ARHGEF3: variants seen among roughly 807,000 people sequenced by gnomAD.
ARHGEF3 encodes the protein Rho guanine nucleotide exchange factor 3.
ARHGEF3 carries 28 observed loss-of-function variants against 63.2 expected under a neutral mutation model. That is an observed-to-expected ratio of 0.44 (90% confidence interval 0.33 to 0.61). The LOEUF is 0.61. Among genes scored for constraint, ARHGEF3 ranks in the 20% least tolerant of loss-of-function variants. The pLI, the probability that ARHGEF3 is intolerant of heterozygous loss-of-function variation, is 0.03. For synonymous variants in ARHGEF3, 266 were observed against 254.2 expected (o/e 1.05, Z -0.44); for missense variants, 533 against 659.3 (o/e 0.81, Z 2.10).
chr3:57,059,221 T>C (rs1705088287), intron 1 of ARHGEF3, among the ~76,000 whole-genome samples: 1 of 152,110 alleles, frequency 6.6e-6, no homozygotes, highest in Non-Finnish European at 1.5e-5. Context: ...TCATTACTTG[T>C]ATTTTCTAAA....
At chr3:56,763,871 GGC>G (rs1428068832) in intron 2 of ARHGEF3, among the ~76,000 whole-genome samples, 1 of 151,918 alleles carries the variant, frequency 6.6e-6, no homozygotes, top group Non-Finnish European at 1.5e-5. Flanking sequence ...CACTGCACCT[GGC>G]TGATTTTTAT....
chr3:56,983,126 T>C (rs1019298637), intron 2 of ARHGEF3, among the ~76,000 whole-genome samples: 4 of 152,186 alleles, frequency 2.6e-5, no homozygotes, highest in Admixed American at 2.6e-4. Context: ...TGCTGGTATA[T>C]TTTATATGAC....
intron 1 of ARHGEF3, chr3:57,035,234 C>T (rs1703904035): frequency 3.0e-6 from 3 of 985,882 alleles, no homozygotes; most frequent in Non-Finnish European, 4.3e-6. Context: ...ATGTTATAAA[C>T]ACACAAAGAG....
At chr3:57,013,370 G>A (rs1394040880) in intron 2 of ARHGEF3, among the ~76,000 whole-genome samples, 4 of 152,224 alleles carry the variant, frequency 2.6e-5, no homozygotes, top group Non-Finnish European at 5.9e-5. Context: ...ATGTCTAGCT[G>A]GAGGATTGTA....
intron 4 of ARHGEF3, among the ~76,000 whole-genome samples, chr3:56,868,929 C>T (rs555143833): frequency 6.6e-6 from 1 of 152,048 alleles, no homozygotes; most frequent in Non-Finnish European, 1.5e-5. Context: ...TCAGTAAATG[C>T]CAGTTGATTG....
intron 4 of ARHGEF3, among the ~76,000 whole-genome samples, chr3:56,844,062 A>T (rs1258576403): frequency 6.6e-6 from 1 of 152,236 alleles, no homozygotes; most frequent in Non-Finnish European, 1.5e-5. Context: ...TTCTGTAAGA[A>T]AAGGAAATTA....
intron 2 of ARHGEF3, among the ~76,000 whole-genome samples, chr3:57,011,283 G>A (rs542669880): frequency 1.3e-5 from 2 of 152,276 alleles, no homozygotes; most frequent in East Asian, 1.9e-4. Context: ...CTAAAACAAC[G>A]ATTTCACCTT....
intron 4 of ARHGEF3, among the ~76,000 whole-genome samples, chr3:56,828,742 G>A (rs1340847435): frequency 6.6e-6 from 1 of 152,118 alleles, no homozygotes; most frequent in African/African-American, 2.4e-5. Context: ...CCATCTGTGG[G>A]AGCCTGTTTC....
At chr3:57,072,830 A>T (rs1418226790) in intron 1 of ARHGEF3, among the ~76,000 whole-genome samples, 12 of 152,206 alleles carry the variant, frequency 7.9e-5, no homozygotes, top group Admixed American at 7.2e-4. Flanking sequence ...GTGGATCACG[A>T]GGTCAGGAGT....
At chr3:56,801,601 A>G in intron 1 of ARHGEF3, 102 bp downstream of exon 1, 7 of 1,417,356 alleles carry the variant, frequency 4.9e-6, no homozygotes, top group Non-Finnish European at 5.7e-6. Context: ...TGAGAGATGG[A>G]AACAGAGACA....
chr3:56,824,229 C>G (rs1308240053), intron 4 of ARHGEF3, among the ~76,000 whole-genome samples: 1 of 152,094 alleles, frequency 6.6e-6, no homozygotes, highest in Non-Finnish European at 1.5e-5. Context: ...GCTTTGCAAA[C>G]CACTGCAAAG....
chr3:56,893,884 T>A (rs2041209866), intron 3 of ARHGEF3, among the ~76,000 whole-genome samples: 1 of 145,946 alleles, frequency 6.9e-6, no homozygotes, highest in African/African-American at 2.5e-5. Context: ...TTACATGTAT[T>A]ATAACCAATC....
chr3:56,786,634 T>C (rs1239356072), intron 1 of ARHGEF3, among the ~76,000 whole-genome samples: 1 of 152,202 alleles, frequency 6.6e-6, no homozygotes, highest in Non-Finnish European at 1.5e-5. Flanking sequence ...AACATAGTGA[T>C]TACGTGTTAT....
At chr3:56,990,384 G>C (rs1434997712) in intron 2 of ARHGEF3, among the ~76,000 whole-genome samples, 1 of 152,210 alleles carries the variant, frequency 6.6e-6, no homozygotes. Flanking sequence ...AAGAGTTCGA[G>C]ACCAGCCTGG....
chr3:56,822,920 T>C (rs911731372), intron 4 of ARHGEF3, among the ~76,000 whole-genome samples: 2 of 151,906 alleles, frequency 1.3e-5, no homozygotes, highest in African/African-American at 4.8e-5. Flanking sequence ...GGTTATGTTG[T>C]TTTTATTAAA....
At chr3:56,971,362 C>T (rs1392475293) in intron 2 of ARHGEF3, among the ~76,000 whole-genome samples, 4 of 152,092 alleles carry the variant, frequency 2.6e-5, no homozygotes, top group African/African-American at 7.2e-5. Flanking sequence ...TTTCCCCAGG[C>T]GTCTCTCAGG....
chr3:56,731,102 A>C (rs2033122291), intron 9 of ARHGEF3, among the ~76,000 whole-genome samples: 1 of 152,206 alleles, frequency 6.6e-6, no homozygotes, highest in African/African-American at 2.4e-5. Context: ...TCTTATTTCT[A>C]CTACTCCTAC....
intron 1 of ARHGEF3, among the ~76,000 whole-genome samples, chr3:57,046,338 G>T (rs879063386): frequency 2.0e-5 from 3 of 152,284 alleles, no homozygotes; most frequent in Admixed American, 1.3e-4. Context: ...CTGACTCCCG[G>T]GTCCAGACCT....
At chr3:57,066,106 C>T (rs1410919425) in intron 1 of ARHGEF3, among the ~76,000 whole-genome samples, 2 of 151,946 alleles carry the variant, frequency 1.3e-5, no homozygotes, top group African/African-American at 2.4e-5. Flanking sequence ...TCTGCACCCC[C>T]ACTGCCAATC....
Sources: gnomAD v4.1 joint callset for allele counts (sites outside exome capture counted in the v4.1 genomes callset) on GRCh38, gnomAD v4.1.1 for gene constraint, MANE v1.5 for transcripts, NCBI Gene and HGNC (gene_info 2026-07-23, HGNC 2026-07-21) for gene names.